AGPAT4: variants seen among roughly 807,000 people sequenced by gnomAD.
The protein encoded by AGPAT4 is 1-acyl-sn-glycerol-3-phosphate acyltransferase delta.
Under a neutral mutation model 48.0 loss-of-function variants are expected in AGPAT4, and 15 were observed. The ratio of observed to expected loss-of-function variants is 0.31; its 90% CI spans 0.21 to 0.48. AGPAT4 has a LOEUF of 0.48. Ranked by LOEUF, AGPAT4 falls within the 20% of genes least tolerant of loss-of-function variation. The pLI is 0.99. For missense variants in AGPAT4, 314 were observed against 482.5 expected (o/e 0.65, Z 3.27); for synonymous variants, 178 against 198.7 (o/e 0.90, Z 0.88).
In AGPAT4 at chr6:161,198,583, C is replaced by G. The variant is rs1306191084; in HGVS notation, c.179-32166G>C. ...GGTAGAATTTAGACACATAATTGCT[C>G]AGGCTGGGTTACATCCTGGCCCCAC... On this transcript the variant is annotated intron_variant, in intron 2 of 8. Coordinates refer to ENST00000320285, the MANE Select transcript of AGPAT4 (RefSeq NM_020133.3). This position sits in a 1 kb window ranked among gnomAD's most constrained non-coding sequence, Gnocchi z 4.3. Among the ~76,000 whole-genome samples, 2 of 152,236 alleles carry G rather than the reference C, an allele frequency of 1.3e-5. No homozygotes were observed. The highest frequency in any genetic ancestry group is 2.9e-5 in the Non-Finnish European group (2 of 68,050).
At chr6:161,258,359 C>A (rs552581789) in intron 1 of AGPAT4, among the ~76,000 whole-genome samples, 2 of 152,182 alleles carry the variant, frequency 1.3e-5, no homozygotes, top group Non-Finnish European at 2.9e-5. Flanking sequence ...GCAGATTCTC[C>A]AAATACCTGA....
rs1781270444 is a variant in AGPAT4, at chr6:161,202,811, C to T, written c.178+29225G>A. Among the ~76,000 whole-genome samples the T allele has an allele frequency of 6.6e-6, 1 of 152,188 alleles. No individual in the cohort carries two copies. Among genetic ancestry groups the T allele is most frequent in the African/African-American group, 2.4e-5 (1 of 41,438 alleles). On this transcript the variant is annotated intron_variant, in intron 2 of 8. Transcript: ENST00000320285. The surrounding 1 kb of genome is among the most constrained non-coding windows in gnomAD (Gnocchi z 5.4). ...TATGCCCCGTGAATGGGGACACTGACTTTTGGAGCCCTAAACTACCAGCTA... is the reference window on the plus strand; with the variant it reads ...TATGCCCCGTGAATGGGGACACTGATTTTTGGAGCCCTAAACTACCAGCTA...
At position 161,139,305 on chromosome 6, in the gene AGPAT4, A is replaced by G; in HGVS notation, c.1042+117T>C. On this transcript the variant is annotated intron_variant, in intron 8 of 8. Transcript: ENST00000320285. This position sits in a 1 kb window ranked among gnomAD's most constrained non-coding sequence, Gnocchi z 9.1. Reference sequence around the variant, plus strand: ...AATCTTTCCCTGTGATTGCAAGCTGAGCCTGCTCCTCATCCACGGCACAAC... The same window carrying G: ...AATCTTTCCCTGTGATTGCAAGCTGGGCCTGCTCCTCATCCACGGCACAAC... 8.7e-7 allele frequency: 1 copy of G among 1,150,300 alleles called. No individual in the cohort carries two copies. The highest frequency in any genetic ancestry group is 1.2e-6 in the Non-Finnish European group (1 of 802,220). The allele number at this position is 1,150,300 out of a possible 1,614,324, so 71.3% of individuals were successfully genotyped here. A position where few individuals can be genotyped will look rare whatever the true frequency, so the allele number is the denominator to read the frequency against.
Position 161,178,260 on chromosome 6 carries a change from C to T in AGPAT4, c.179-11843G>A, listed in dbSNP as rs959502022. Among the ~76,000 whole-genome samples, 6 of 152,212 alleles carry T rather than the reference C, an allele frequency of 3.9e-5. No individual in the cohort carries two copies. The highest frequency in any genetic ancestry group is 1.4e-4 in the African/African-American group (6 of 41,460). On this transcript the variant is annotated intron_variant, in intron 2 of 8. Transcript: ENST00000320285. The surrounding 1 kb of genome is among the most constrained non-coding windows in gnomAD (Gnocchi z 5.1). ...GAGTCTACAGAGGCATGCAGGCCTC[C>T]TTGAGCTGCGGTGGGCTCCACCCAA...
Position 161,164,093 on chromosome 6 carries a change from C to G in AGPAT4, c.348+2155G>C, listed in dbSNP as rs549898526. Among the ~76,000 whole-genome samples the G allele has an allele frequency of 2.6e-5, 4 of 152,352 alleles. No individual in the cohort carries two copies. In the South Asian group the frequency reaches 8.3e-4, roughly 32 times the overall value. On this transcript the variant is annotated intron_variant, in intron 3 of 8. Coordinates refer to ENST00000320285, the MANE Select transcript of AGPAT4 (RefSeq NM_020133.3). The surrounding 1 kb of genome is among the most constrained non-coding windows in gnomAD (Gnocchi z 7.4). Reference sequence around the variant, plus strand: ...TGCTGTTGACTTGCTTTCCCGCCATCAGCGCTCCCGCCCTTATGCTCAGAG... The same window carrying G: ...TGCTGTTGACTTGCTTTCCCGCCATGAGCGCTCCCGCCCTTATGCTCAGAG...
Position 161,200,834 on chromosome 6 carries a change from T to C in AGPAT4, c.178+31202A>G, listed in dbSNP as rs1781220130. Among the ~76,000 whole-genome samples the C allele has an allele frequency of 6.6e-6, 1 of 152,216 alleles. No homozygotes were observed. The highest frequency in any genetic ancestry group is 1.5e-5 in the Non-Finnish European group (1 of 68,040). On this transcript the variant is annotated intron_variant, in intron 2 of 8. Coordinates refer to ENST00000320285, the MANE Select transcript of AGPAT4 (RefSeq NM_020133.3). This position sits in a 1 kb window ranked among gnomAD's most constrained non-coding sequence, Gnocchi z 5.5. Reference sequence around the variant, plus strand: ...GGTTATTCTATTTGGCCACAATTTCTGATCCATCCAAACTCATAAACACAG... The same window carrying C: ...GGTTATTCTATTTGGCCACAATTTCCGATCCATCCAAACTCATAAACACAG...
At chr6:161,256,537 C>T (rs1782947957) in intron 1 of AGPAT4, among the ~76,000 whole-genome samples, 1 of 152,168 alleles carries the variant, frequency 6.6e-6, no homozygotes, top group Non-Finnish European at 1.5e-5. Flanking sequence ...GGAGAAGTTC[C>T]AGGGCTGAAA....
rs79818902 is a variant in AGPAT4, at chr6:161,265,825, A to T, written c.-90+8113T>A. ...CTTGGTGCCAGCATGACCCCCACGC[A>T]GACTTATCAGGGCAGAAAGCACTAA... On this transcript the variant is annotated intron_variant, in intron 1 of 8. Transcript: ENST00000320285. Among the ~76,000 whole-genome samples, 1,017 of 152,306 alleles carry T rather than the reference A, an allele frequency of 6.7e-3. 9 individuals are homozygous for T. The highest frequency in any genetic ancestry group is 0.024 in the African/African-American group (982 of 41,560).
chr6:161,190,469 A>G (rs560311335), intron 2 of AGPAT4, among the ~76,000 whole-genome samples: 36 of 152,268 alleles, frequency 2.4e-4, no homozygotes, highest in African/African-American at 7.9e-4. Flanking sequence ...AGGTTAAAGA[A>G]AATACATAAA....
chr6:161,136,974 T>C (rs1779087547), intron 8 of AGPAT4, among the ~76,000 whole-genome samples: 1 of 152,144 alleles, frequency 6.6e-6, no homozygotes, highest in Admixed American at 6.5e-5. Flanking sequence ...CTTTTGTGAA[T>C]AAGGGACAGG....
At chr6:161,173,315 G>T (rs1172879689) in intron 2 of AGPAT4, among the ~76,000 whole-genome samples, 1 of 152,162 alleles carries the variant, frequency 6.6e-6, no homozygotes, top group Non-Finnish European at 1.5e-5. Context: ...GTTGTTTCCT[G>T]GCTTTTTAAT....
In AGPAT4 at chr6:161,155,723, A is replaced by C. The variant is rs768566686; in HGVS notation, c.349-1413T>G. On this transcript the variant is annotated intron_variant, in intron 3 of 8. Coordinates refer to ENST00000320285, the MANE Select transcript of AGPAT4 (RefSeq NM_020133.3). The surrounding 1 kb of genome is among the most constrained non-coding windows in gnomAD (Gnocchi z 5.8). ...AAATCGGAGGCCCTATCTCCAGGGGACTCCGGGAACATCCCCGTGGGTGGG... is the reference window on the plus strand; with the variant it reads ...AAATCGGAGGCCCTATCTCCAGGGGCCTCCGGGAACATCCCCGTGGGTGGG... Among the ~76,000 whole-genome samples the C allele has an allele frequency of 2.0e-5, 3 of 152,026 alleles. No individual in the cohort carries two copies. Among genetic ancestry groups the C allele is most frequent in the Non-Finnish European group, 2.9e-5 (2 of 67,996 alleles).
rs58550351 is a variant in AGPAT4, at chr6:161,240,221, T to TACACACACACACAC, written c.-89-7933_-89-7920dup. On this transcript the variant is annotated intron_variant, in intron 1 of 8. Transcript: ENST00000320285. This position sits in a 1 kb window ranked among gnomAD's most constrained non-coding sequence, Gnocchi z 5.5. The stretch of plus-strand genomic sequence containing the variant: ...CACTAACAGCAGATATCTTTGTGTA[T>TACACACACACACAC]ACACACACACACACACACACACACA... 1.4e-5 allele frequency among the ~76,000 whole-genome samples: 2 copies of TACACACACACACAC among 144,332 alleles called. No homozygotes were observed. Among genetic ancestry groups the TACACACACACACAC allele is most frequent in the South Asian group, 4.6e-4 (2 of 4,318 alleles). The allele number at this position is 144,332 out of a possible 152,430, so 94.7% of individuals were successfully genotyped here.
At position 161,236,260 on chromosome 6, in the gene AGPAT4, C is replaced by T. The variant is rs976937144; in HGVS notation, c.-89-3958G>A. Among the ~76,000 whole-genome samples, 1 of 150,950 alleles carries T rather than the reference C, an allele frequency of 6.6e-6. No individual in the cohort carries two copies. Among genetic ancestry groups the T allele is most frequent in the African/African-American group, 2.4e-5 (1 of 40,950 alleles). ...GAGAACTAGGAAGCTGCTGCTATGC[C>T]ATATTTCTGCGAAAAAAAAAAAGAT... is the stretch of plus-strand genomic sequence containing the variant. On this transcript the variant is annotated intron_variant, in intron 1 of 8. Coordinates refer to ENST00000320285, the MANE Select transcript of AGPAT4 (RefSeq NM_020133.3). This position sits in a 1 kb window ranked among gnomAD's most constrained non-coding sequence, Gnocchi z 5.0.
In AGPAT4 at chr6:161,158,550, C is replaced by T. The variant is rs963384996; in HGVS notation, c.349-4240G>A. Among the ~76,000 whole-genome samples the T allele has an allele frequency of 6.6e-6, 1 of 152,136 alleles. No homozygotes were observed. Among genetic ancestry groups the T allele is most frequent in the African/African-American group, 2.4e-5 (1 of 41,424 alleles). On this transcript the variant is annotated intron_variant, in intron 3 of 8. Coordinates refer to ENST00000320285, the MANE Select transcript of AGPAT4 (RefSeq NM_020133.3). The surrounding 1 kb of genome is among the most constrained non-coding windows in gnomAD (Gnocchi z 5.3). ...TTGGAGCTAATCTAGTTGAGCGACCCATCCTGAGGCTCCCCACAGCTCAGG... is the reference window on the plus strand; with the variant it reads ...TTGGAGCTAATCTAGTTGAGCGACCTATCCTGAGGCTCCCCACAGCTCAGG...
rs1220168052 is a variant in AGPAT4, at chr6:161,219,818, TAGAC to T, written c.178+12214_178+12217del. 5.5e-5 allele frequency among the ~76,000 whole-genome samples: 7 copies of T among 126,494 alleles called. No homozygotes were observed. The highest frequency in any genetic ancestry group is 5.0e-4 in the Admixed American group (6 of 12,072). The allele number at this position is 126,494 out of a possible 152,430, so 83.0% of individuals were successfully genotyped here. On this transcript the variant is annotated intron_variant, in intron 2 of 8. Coordinates refer to ENST00000320285, the MANE Select transcript of AGPAT4 (RefSeq NM_020133.3). The surrounding 1 kb of genome is among the most constrained non-coding windows in gnomAD (Gnocchi z 4.9). ...GGACACAGATTCACAGTAAAAAAGA[TAGAC>T]AGAGATAGATAGATAGATAGATAGA...
rs2064718 is a variant in AGPAT4, at chr6:161,178,597, A to G, written c.179-12180T>C. Reference sequence around the variant, plus strand: ...CACTTCCCGGGTGAGGCGATGCCCCACCCTGCTTCAGCTCACACTCGCGTG... The same window carrying G: ...CACTTCCCGGGTGAGGCGATGCCCCGCCCTGCTTCAGCTCACACTCGCGTG... On this transcript the variant is annotated intron_variant, in intron 2 of 8. Transcript: ENST00000320285. This position sits in a 1 kb window ranked among gnomAD's most constrained non-coding sequence, Gnocchi z 5.1. Among the ~76,000 whole-genome samples the G allele has an allele frequency of 0.33, 49,504 of 151,822 alleles. 9,860 individuals carry two copies. Among genetic ancestry groups the G allele is most frequent in the African/African-American group, 0.56 (23,268 of 41,400 alleles).
Position 161,244,973 on chromosome 6 carries a change from T to C in AGPAT4, c.-89-12671A>G, listed in dbSNP as rs1782609689. 6.6e-6 allele frequency among the ~76,000 whole-genome samples: 1 copy of C among 152,210 alleles called. No individual in the cohort carries two copies. Among genetic ancestry groups the C allele is most frequent in the African/African-American group, 2.4e-5 (1 of 41,450 alleles). ...ATAGCAACCAGAGCCAAAGGCCACG[T>C]AGCAAAACACGTGGGCATGAGAACT... On this transcript the variant is annotated intron_variant, in intron 1 of 8. Coordinates refer to ENST00000320285, the MANE Select transcript of AGPAT4 (RefSeq NM_020133.3). This position sits in a 1 kb window ranked among gnomAD's most constrained non-coding sequence, Gnocchi z 4.7.
intron 2 of AGPAT4, among the ~76,000 whole-genome samples, chr6:161,188,069 A>G (rs145413627): frequency 4.8e-4 from 73 of 152,320 alleles, no homozygotes; most frequent in African/African-American, 1.8e-3. Flanking sequence ...TGCAGTTTTA[A>G]TATGTACAAA....
Sources: allele counts gnomAD v4.1 joint callset (sites outside exome capture counted in the v4.1 genomes callset), GRCh38; gene constraint gnomAD v4.1.1; non-coding constraint Gnocchi (gnomAD v3.1); transcripts MANE v1.5; gene names NCBI Gene and HGNC (gene_info 2026-07-23, HGNC 2026-07-21).